SNAP91: variants seen among roughly 807,000 people sequenced by gnomAD.
The protein encoded by SNAP91 is synaptosome associated protein 91.
In SNAP91, 27 loss-of-function variants were observed where a neutral mutation model predicts 100.3. The observed-to-expected ratio is 0.27, with a 90% CI of 0.20 to 0.37. The LOEUF (loss-of-function observed/expected upper bound fraction) is 0.37. Ranked by LOEUF, SNAP91 falls within the 10% of genes least tolerant of loss-of-function variation. The probability of loss-of-function intolerance (pLI) is 1.00; values close to 1 mark genes in which losing one functional copy is unlikely to be tolerated. For missense variants in SNAP91, 986 were observed against 1,123.7 expected, an observed-to-expected ratio of 0.88 and a Z score of 1.75; for synonymous variants, 404 against 398.6, an observed-to-expected ratio of 1.01 and a Z score of -0.16.
At chr6:83,640,929 G>A (rs2097672021) in intron 8 of SNAP91, among the ~76,000 whole-genome samples, 167 bp downstream of exon 8, 1 of 152,088 alleles carries the variant, frequency 6.6e-6, no homozygotes, top group Non-Finnish European at 1.5e-5. Flanking sequence ...GTGAGAAGTT[G>A]GATGACACGA....
At chr6:83,681,547 T>A (rs138153699) in intron 2 of SNAP91, among the ~76,000 whole-genome samples, 5 of 151,874 alleles carry the variant, frequency 3.3e-5, no homozygotes, top group Non-Finnish European at 7.4e-5. Flanking sequence ...GTTTACAACA[T>A]GACAAAGATT....
intron 26 of SNAP91, among the ~76,000 whole-genome samples, chr6:83,570,052 G>A (rs1298048086): frequency 6.6e-6 from 1 of 152,138 alleles, no homozygotes; most frequent in Non-Finnish European, 1.5e-5. Context: ...TTGGAACTGG[G>A]TAACAGGCAG....
At chr6:83,585,743 T>G (rs1290272285) in intron 22 of SNAP91, among the ~76,000 whole-genome samples, 1 of 152,130 alleles carries the variant, frequency 6.6e-6, no homozygotes, top group Non-Finnish European at 1.5e-5. Context: ...GCCCACACTC[T>G]TAATGAAGTT....
chr6:83,678,844 G>C, intron 2 of SNAP91: 1 of 1,271,100 alleles, frequency 7.9e-7, no homozygotes, highest in South Asian at 1.3e-5. Flanking sequence ...ATCCAAGTCT[G>C]TTTTCTCTCG....
chr6:83,600,537 G>A (rs945730165), intron 16 of SNAP91, among the ~76,000 whole-genome samples: 10 of 152,168 alleles, frequency 6.6e-5, no homozygotes, highest in African/African-American at 2.4e-4. Flanking sequence ...CACAGATGGG[G>A]ATACATATAT....
At chr6:83,564,432 G>C (rs1793672881) in intron 26 of SNAP91, among the ~76,000 whole-genome samples, 1 of 151,058 alleles carries the variant, frequency 6.6e-6, no homozygotes, top group Non-Finnish European at 1.5e-5. Flanking sequence ...CTAGTTCCCT[G>C]GCTCAAGTGA....
chr6:83,578,903 AT>A (rs894278542), intron 24 of SNAP91, among the ~76,000 whole-genome samples: 1 of 150,852 alleles, frequency 6.6e-6, no homozygotes, highest in Non-Finnish European at 1.5e-5. Context: ...CTTTGAATTA[AT>A]TTTTTTTTGT....
At chr6:83,661,100 G>T (rs560911157) in intron 5 of SNAP91, among the ~76,000 whole-genome samples, 57 of 152,146 alleles carry the variant, frequency 3.7e-4, no homozygotes, top group Non-Finnish European at 4.1e-4. Context: ...CACTGTGCCA[G>T]GCCAAATAGC....
intron 11 of SNAP91, among the ~76,000 whole-genome samples, chr6:83,613,863 A>G (rs1180568694): frequency 1.3e-5 from 2 of 152,350 alleles, no homozygotes; most frequent in East Asian, 3.9e-4. Context: ...CAATACTTCT[A>G]TTAATAATTT....
At chr6:83,623,807 T>C (rs1170830218) in intron 8 of SNAP91, among the ~76,000 whole-genome samples, 2 of 152,148 alleles carry the variant, frequency 1.3e-5, no homozygotes, top group Non-Finnish European at 2.9e-5. Context: ...AGTTTCTTTA[T>C]GTATATTCAA....
chr6:83,699,658 G>A (rs1053868977), intron 2 of SNAP91, among the ~76,000 whole-genome samples: 6 of 152,084 alleles, frequency 3.9e-5, no homozygotes, highest in African/African-American at 7.2e-5. Context: ...GACTTGATGC[G>A]AGACATACAT....
At chr6:83,664,646 G>A (rs1179685654) in intron 3 of SNAP91, among the ~76,000 whole-genome samples, 2 of 152,072 alleles carry the variant, frequency 1.3e-5, no homozygotes, top group Non-Finnish European at 2.9e-5. Flanking sequence ...AGTTTCTTGA[G>A]ATAAAATCTA....
chr6:83,663,802 C>G (rs980919826), intron 3 of SNAP91, among the ~76,000 whole-genome samples: 3 of 152,068 alleles, frequency 2.0e-5, no homozygotes, highest in Non-Finnish European at 4.4e-5. Context: ...ATAAAGCAGC[C>G]TTCAATTGGA....
intron 28 of SNAP91, among the ~76,000 whole-genome samples, 152 bp from the exon 29 acceptor site, chr6:83,556,397 A>AGAGAGAGAGAGAG (rs1562072085): frequency 2.4e-4 from 9 of 38,174 alleles, no homozygotes; most frequent in Non-Finnish European, 3.4e-4. Flanking sequence ...GAGAGAGAGA[A>AGAGAGAGAGAGAG]AAGCATTAGG....
At chr6:83,653,367 T>C (rs1448707752) in intron 7 of SNAP91, among the ~76,000 whole-genome samples, 2 of 152,118 alleles carry the variant, frequency 1.3e-5, no homozygotes, top group East Asian at 3.9e-4. Context: ...GTTTTGGAGG[T>C]TTCTATTGAT....
intron 10 of SNAP91, among the ~76,000 whole-genome samples, chr6:83,615,288 G>C (rs753155268): frequency 1.1e-4 from 17 of 152,140 alleles, no homozygotes; most frequent in Non-Finnish European, 2.1e-4. Flanking sequence ...GGGGTTTGGG[G>C]GACCCTGAGT....
At chr6:83,687,545 A>G (rs1025821845) in intron 2 of SNAP91, among the ~76,000 whole-genome samples, 1 of 152,154 alleles carries the variant, frequency 6.6e-6, no homozygotes, top group Non-Finnish European at 1.5e-5. Context: ...CACTTCACTC[A>G]TTCACTTATC....
rs1372481825 is a variant in SNAP91, at chr6:83,582,219, C to T, written c.2149+3G>A. On this transcript the variant is annotated splice_donor_region_variant and intron_variant, in intron 23 of 29. Coordinates refer to ENST00000369694, the MANE Select transcript of SNAP91 (RefSeq NM_001242792.2). Reference sequence around the variant, plus strand: ...AAAGAATGTTTGAAAGTCACTGCCTCACCTGATGGATCAAAGGAGCTGCTG... The same window carrying T: ...AAAGAATGTTTGAAAGTCACTGCCTTACCTGATGGATCAAAGGAGCTGCTG... 6.2e-7 allele frequency: 1 copy of T among 1,613,484 alleles called. No homozygotes were observed. Among genetic ancestry groups the T allele is most frequent in the Admixed American group, 1.7e-5 (1 of 59,996 alleles).
intron 7 of SNAP91, among the ~76,000 whole-genome samples, chr6:83,642,466 T>C (rs964912656): frequency 6.6e-6 from 1 of 152,226 alleles, no homozygotes; most frequent in South Asian, 2.1e-4. Context: ...TGCAATAGTT[T>C]GCTGAGAATG....
Sources: gnomAD v4.1 joint callset for allele counts (sites outside exome capture counted in the v4.1 genomes callset) on GRCh38, gnomAD v4.1.1 for gene constraint, MANE v1.5 for transcripts, NCBI Gene and HGNC (gene_info 2026-07-23, HGNC 2026-07-21) for gene names.